Variants in RERG observed in about 807,000 individuals in gnomAD.
RERG encodes RAS like estrogen regulated growth inhibitor.
RERG carries 25 observed loss-of-function variants against 23.2 expected under a neutral mutation model. The observed-to-expected ratio is 1.08, with a 90% confidence interval of 0.79 to 1.50. The LOEUF is 1.50. Ranked by LOEUF, RERG falls within the 40% of genes most tolerant of loss-of-function variation. The pLI, the probability that RERG is intolerant of heterozygous loss-of-function variation, is 0.00. For missense variants in RERG, 253 were observed against 250.1 expected (o/e 1.01, Z -0.08); for synonymous variants, 81 against 89.1 (o/e 0.91, Z 0.51).
At chr12:15,203,806 C>G (rs1336116393) in intron 2 of RERG, among the ~76,000 whole-genome samples, 2 of 151,416 alleles carry the variant, frequency 1.3e-5, no homozygotes, top group Admixed American at 1.3e-4. Flanking sequence ...AGAAACAATC[C>G]TATTTACAAC....
intron 2 of RERG, among the ~76,000 whole-genome samples, chr12:15,159,747 C>T (rs192884664): frequency 1.4e-4 from 21 of 152,244 alleles, no homozygotes; most frequent in Admixed American, 1.2e-3. Flanking sequence ...TGGTGTGAAC[C>T]CGGGAGGCGT....
chr12:15,126,529 T>C (rs1009381085), intron 2 of RERG, among the ~76,000 whole-genome samples: 24 of 152,164 alleles, frequency 1.6e-4, no homozygotes, highest in Admixed American at 1.6e-3. Flanking sequence ...CATTACATAT[T>C]TGGAGTGTTC....
rs36118206 is a variant in RERG, at chr12:15,128,251, C to T, written c.62-7132G>A. 3.7e-3 allele frequency among the ~76,000 whole-genome samples: 560 copies of T among 152,194 alleles called. 3 individuals carry two copies. The highest frequency in any genetic ancestry group is 0.012 in the African/African-American group (518 of 41,534). ...CAACACAGAAAGAGAACATGAATTT[C>T]GTGAAGCAAGAAGAAAACTTTTAGA... On this transcript the variant is annotated intron_variant, in intron 2 of 4. Transcript: ENST00000256953.
chr12:15,136,374 T>C (rs1371179830), intron 2 of RERG, among the ~76,000 whole-genome samples: 1 of 152,006 alleles, frequency 6.6e-6, no homozygotes, highest in African/African-American at 2.4e-5. Flanking sequence ...TCTATAGATA[T>C]TCTATTTTCA....
chr12:15,128,002 T>G (rs1863977348), intron 2 of RERG, among the ~76,000 whole-genome samples: 1 of 152,226 alleles, frequency 6.6e-6, no homozygotes, highest in Non-Finnish European at 1.5e-5. Flanking sequence ...AAAACTGATA[T>G]GAACCCAACT....
intron 2 of RERG, among the ~76,000 whole-genome samples, chr12:15,189,811 T>A (rs1188191617): frequency 6.6e-6 from 1 of 152,154 alleles, no homozygotes; most frequent in Non-Finnish European, 1.5e-5. Context: ...GCTCACTGAA[T>A]CTGTTCTCAA....
chr12:15,162,966 T>C lies in RERG; in HGVS notation c.62-41847A>G, dbSNP rs1404207010. On this transcript the variant is annotated intron_variant, in intron 2 of 4. Coordinates refer to ENST00000256953, the MANE Select transcript of RERG (RefSeq NM_032918.3). ...CTATTAGCAATAGGTTTTATGGAGA[T>C]GTTCAGGTTAAGCCTAGATTTTTGC... 3.3e-5 allele frequency among the ~76,000 whole-genome samples: 5 copies of C among 152,350 alleles called. No homozygotes were observed. In the East Asian group the frequency reaches 9.6e-4, roughly 29 times the overall value.
At chr12:15,199,229 G>T (rs1229463782) in intron 2 of RERG, among the ~76,000 whole-genome samples, 2 of 152,014 alleles carry the variant, frequency 1.3e-5, no homozygotes, top group Non-Finnish European at 2.9e-5. Flanking sequence ...GCTCAAATTG[G>T]CAACGTGAGG....
chr12:15,173,892 ATGT>A (rs1864810187), intron 2 of RERG, among the ~76,000 whole-genome samples: 1 of 151,960 alleles, frequency 6.6e-6, no homozygotes, highest in South Asian at 2.1e-4. Flanking sequence ...ATACATGATG[ATGT>A]TGTCTGCAAA....
At chr12:15,110,261 G>T (rs1053263850) in intron 4 of RERG, among the ~76,000 whole-genome samples, 4 of 152,014 alleles carry the variant, frequency 2.6e-5, no homozygotes, top group African/African-American at 9.7e-5. Context: ...CCTCCCTGCT[G>T]CCTCTCTTCG....
chr12:15,153,138 T>C (rs1339266969), intron 2 of RERG, among the ~76,000 whole-genome samples: 1 of 152,216 alleles, frequency 6.6e-6, no homozygotes, highest in Non-Finnish European at 1.5e-5. Flanking sequence ...AAAATGTGAC[T>C]TGTTACACAT....
chr12:15,176,163 G>C (rs1450806636), intron 2 of RERG, among the ~76,000 whole-genome samples: 1 of 152,122 alleles, frequency 6.6e-6, no homozygotes, highest in Non-Finnish European at 1.5e-5. Context: ...TTTCCTACTA[G>C]TATTATTTTT....
At chr12:15,149,158 C>T (rs957078586) in intron 2 of RERG, among the ~76,000 whole-genome samples, 6 of 151,762 alleles carry the variant, frequency 4.0e-5, no homozygotes, top group African/African-American at 7.3e-5. Context: ...CGTGAGCCAC[C>T]GCGCCCAGCC....
At chr12:15,122,781 C>T (rs553204232) in intron 2 of RERG, among the ~76,000 whole-genome samples, 1 of 151,282 alleles carries the variant, frequency 6.6e-6, no homozygotes, top group Non-Finnish European at 1.5e-5. Context: ...TGTTAGACTA[C>T]GTAGTTGTTT....
At chr12:15,204,172 T>C (rs1865254096) in intron 2 of RERG, among the ~76,000 whole-genome samples, 1 of 151,738 alleles carries the variant, frequency 6.6e-6, no homozygotes, top group Admixed American at 6.6e-5. Flanking sequence ...CAAACTATAT[T>C]ACAATGCTAT....
At chr12:15,154,371 A>C (rs1402115253) in intron 2 of RERG, 3 of 152,236 alleles carry the variant, frequency 2.0e-5, no homozygotes, top group Admixed American at 2.0e-4. Flanking sequence ...GCCAGACCAA[A>C]GCAATTAAGA....
At chr12:15,173,832 C>G (rs906428475) in intron 2 of RERG, among the ~76,000 whole-genome samples, 11 of 151,474 alleles carry the variant, frequency 7.3e-5, no homozygotes, top group African/African-American at 2.7e-4. Flanking sequence ...ATCTTGAAAC[C>G]CTGATAAACT....
chr12:15,128,244 T>C (rs1181756855), intron 2 of RERG, among the ~76,000 whole-genome samples: 1 of 152,194 alleles, frequency 6.6e-6, no homozygotes, highest in East Asian at 1.9e-4. Flanking sequence ...AAAGAGAACA[T>C]GAATTTCGTG....
intron 2 of RERG, among the ~76,000 whole-genome samples, chr12:15,202,533 G>C (rs1391203218): frequency 6.6e-6 from 1 of 151,718 alleles, no homozygotes; most frequent in Admixed American, 6.6e-5. Flanking sequence ...TTATATAAGA[G>C]GAATCATGAA....
Sources: gnomAD v4.1 joint callset for allele counts (sites outside exome capture counted in the v4.1 genomes callset) on GRCh38, gnomAD v4.1.1 for gene constraint, MANE v1.5 for transcripts, NCBI Gene and HGNC (gene_info 2026-07-23, HGNC 2026-07-21) for gene names.